Variants in ADK observed in about 807,000 individuals in gnomAD.
ADK encodes the protein adenosine kinase.
In ADK, 24 loss-of-function variants were observed where a neutral mutation model predicts 44.7. The observed-to-expected ratio is 0.54, with a 90% CI of 0.39 to 0.76. The LOEUF (loss-of-function observed/expected upper bound fraction) is 0.76, where lower values mean the gene tolerates loss of function less well. ADK is among the 30% of genes least tolerant of loss of function. The pLI is 0.00. For synonymous variants in ADK, 128 were observed against 142.6 expected, an observed-to-expected ratio of 0.90 and a Z score of 0.73; for missense variants, 321 against 425.1, an observed-to-expected ratio of 0.76 and a Z score of 2.15.
intron 1 of ADK, among the ~76,000 whole-genome samples, chr10:74,157,932 A>G (rs1324065063): frequency 6.6e-6 from 1 of 152,188 alleles, no homozygotes; most frequent in Non-Finnish European, 1.5e-5. Context: ...TTCCAAAAAG[A>G]GGAAATAATG....
chr10:74,578,733 T>A (rs996784964), intron 7 of ADK, among the ~76,000 whole-genome samples: 1 of 152,064 alleles, frequency 6.6e-6, no homozygotes, highest in African/African-American at 2.4e-5. Context: ...AACTTTCTAG[T>A]TGGTAAGACA....
At chr10:74,569,586 T>C (rs1389138431) in intron 7 of ADK, among the ~76,000 whole-genome samples, 17 of 152,246 alleles carry the variant, frequency 1.1e-4, no homozygotes, top group Non-Finnish European at 1.5e-4. Context: ...TTTTGAGAAG[T>C]GTCTGTTCAT....
At chr10:74,529,191 A>T (rs1354042785) in intron 7 of ADK, 1 of 152,218 alleles carries the variant, frequency 6.6e-6, no homozygotes, top group African/African-American at 2.4e-5. Flanking sequence ...TAAAATTTTG[A>T]TACATGCTAC....
chr10:74,340,876 G>A (rs573522050), intron 4 of ADK, among the ~76,000 whole-genome samples: 1 of 152,204 alleles, frequency 6.6e-6, no homozygotes, highest in South Asian at 2.1e-4. Flanking sequence ...TTTATATCAG[G>A]CATAGTACAA....
intron 6 of ADK, among the ~76,000 whole-genome samples, chr10:74,477,589 T>A (rs900586891): frequency 3.3e-5 from 5 of 152,188 alleles, no homozygotes; most frequent in African/African-American, 1.2e-4. Context: ...TTTCCCTTAG[T>A]GTTTTTAAGA....
At chr10:74,378,380 G>A (rs7350403) in intron 4 of ADK, among the ~76,000 whole-genome samples, 97,015 of 151,862 alleles carry the variant, frequency 0.64, 32,398 homozygotes, top group Middle Eastern at 0.78. Context: ...AATTATATAG[G>A]CCATAACAGT....
intron 3 of ADK, among the ~76,000 whole-genome samples, chr10:74,257,687 A>G (rs1274298800): frequency 6.6e-6 from 1 of 152,226 alleles, no homozygotes; most frequent in African/African-American, 2.4e-5. Flanking sequence ...ACAAGCCAAT[A>G]TATGCTTGAA....
In ADK at chr10:74,204,496, A is replaced by G. The variant is rs77710202; in HGVS notation, c.140+3658A>G. On this transcript the variant is annotated intron_variant, in intron 2 of 10. Transcript: ENST00000539909. ...CTGTAAGTATATTTGGCTAAACTCA[A>G]ATGTCAAAGGGTAAGGCAAGAATTT... Among the ~76,000 whole-genome samples the G allele has an allele frequency of 3.3e-5, 5 of 152,216 alleles. No homozygotes were observed. The East Asian group carries it at 9.7e-4, about 29-fold the overall frequency.
chr10:74,429,527 G>A (rs1264698642), intron 6 of ADK, among the ~76,000 whole-genome samples: 1 of 152,082 alleles, frequency 6.6e-6, no homozygotes, highest in African/African-American at 2.4e-5. Context: ...ATCTGTTGTG[G>A]GAGTAGGGAA....
At chr10:74,361,891 T>C (rs540182989) in intron 4 of ADK, among the ~76,000 whole-genome samples, 8 of 152,232 alleles carry the variant, frequency 5.3e-5, no homozygotes, top group Non-Finnish European at 1.2e-4. Flanking sequence ...CTTCCACATT[T>C]TCCTGGCTTA....
intron 3 of ADK, among the ~76,000 whole-genome samples, chr10:74,276,838 ACCTTT>A (rs1421594310): frequency 4.7e-5 from 7 of 149,920 alleles, no homozygotes; most frequent in African/African-American, 1.2e-4. Context: ...TCTCTTTTGT[ACCTTT>A]CCTTTCTATT....
chr10:74,396,886 C>T (rs1030958861), intron 5 of ADK, among the ~76,000 whole-genome samples: 1 of 151,126 alleles, frequency 6.6e-6, no homozygotes, highest in African/African-American at 2.4e-5. Context: ...AACCCGGAGG[C>T]GGAGGTTGCA....
intron 4 of ADK, among the ~76,000 whole-genome samples, chr10:74,327,410 A>G (rs2131837964): frequency 6.6e-6 from 1 of 152,300 alleles, no homozygotes; most frequent in East Asian, 1.9e-4. Context: ...TTGTGGCTTA[A>G]TATGTACTCT....
chr10:74,474,595 G>A (rs1265626131), intron 6 of ADK, among the ~76,000 whole-genome samples: 1 of 149,864 alleles, frequency 6.7e-6, no homozygotes, highest in Non-Finnish European at 1.5e-5. Flanking sequence ...CCAGGCTGGA[G>A]TGCAGTGGCG....
intron 4 of ADK, among the ~76,000 whole-genome samples, chr10:74,346,290 G>C (rs1270661199): frequency 1.3e-5 from 2 of 151,370 alleles, no homozygotes; most frequent in African/African-American, 4.9e-5. Flanking sequence ...TTTTGCTTCA[G>C]TGAACACTGA....
chr10:74,277,316 T>A (rs1041101514), intron 3 of ADK, among the ~76,000 whole-genome samples: 3 of 152,236 alleles, frequency 2.0e-5, no homozygotes, highest in African/African-American at 7.2e-5. Context: ...CAGAATACCT[T>A]TTTTGTGTGA....
chr10:74,402,212 T>C (rs894137812), intron 6 of ADK, among the ~76,000 whole-genome samples: 12 of 152,212 alleles, frequency 7.9e-5, no homozygotes. Flanking sequence ...CTGACAATTA[T>C]GTGTCTTGGT....
chr10:74,507,271 A>G (rs1848117457), intron 6 of ADK, among the ~76,000 whole-genome samples: 2 of 152,236 alleles, frequency 1.3e-5, no homozygotes, highest in Admixed American at 6.5e-5. Context: ...GCATTCTTCC[A>G]TAAGCATGTG....
At chr10:74,368,182 C>G (rs1842551661) in intron 4 of ADK, among the ~76,000 whole-genome samples, 1 of 152,200 alleles carries the variant, frequency 6.6e-6, no homozygotes, top group African/African-American at 2.4e-5. Context: ...AGTACAGTGG[C>G]ATGAACATGG....
Sources: gnomAD v4.1 joint callset for allele counts (sites outside exome capture counted in the v4.1 genomes callset) on GRCh38, gnomAD v4.1.1 for gene constraint, MANE v1.5 for transcripts, NCBI Gene and HGNC (gene_info 2026-07-23, HGNC 2026-07-21) for gene names.